Variants in SH3GL2 observed in about 807,000 individuals in gnomAD.
SH3GL2 encodes the protein SH3 domain containing GRB2 like 2, endophilin A1.
A neutral mutation model predicts 46.0 loss-of-function variants in SH3GL2; 24 were observed. That is an observed-to-expected ratio of 0.52 (90% CI 0.38 to 0.73). The LOEUF (loss-of-function observed/expected upper bound fraction) is 0.73, where lower values mean the gene tolerates loss of function less well. Among genes scored for constraint, SH3GL2 ranks in the 30% least tolerant of loss-of-function variants. SH3GL2 has a pLI of 0.00. For synonymous variants in SH3GL2, 196 were observed against 147.1 expected, an observed-to-expected ratio of 1.33 and a Z score of -2.40; for missense variants, 413 against 424.2, an observed-to-expected ratio of 0.97 and a Z score of 0.23.
At chr9:17,739,875 C>T (rs1822473276) in intron 1 of SH3GL2, among the ~76,000 whole-genome samples, 1 of 152,020 alleles carries the variant, frequency 6.6e-6, no homozygotes, top group African/African-American at 2.4e-5. Flanking sequence ...CTTTTAACCC[C>T]AGTGAACCAC....
chr9:17,690,839 G>T (rs1414419050), intron 1 of SH3GL2, among the ~76,000 whole-genome samples: 1 of 152,074 alleles, frequency 6.6e-6, no homozygotes, highest in Non-Finnish European at 1.5e-5. Context: ...CCTCTAGAAG[G>T]CCAGGGAATT....
chr9:17,594,270 T>G (rs752649733), intron 1 of SH3GL2, among the ~76,000 whole-genome samples: 1 of 152,214 alleles, frequency 6.6e-6, no homozygotes, highest in African/African-American at 2.4e-5. Context: ...CTTGCAATTA[T>G]GCCATACGTT....
chr9:17,728,545 T>C (rs1822084644), intron 1 of SH3GL2, among the ~76,000 whole-genome samples: 1 of 152,176 alleles, frequency 6.6e-6, no homozygotes, highest in Non-Finnish European at 1.5e-5. Flanking sequence ...GTTACATAGG[T>C]ATACATGTGC....
chr9:17,689,216 C>A lies in SH3GL2; in HGVS notation c.46-57850C>A, dbSNP rs148623415. On this transcript the variant is annotated intron_variant, in intron 1 of 8. Coordinates refer to ENST00000380607, the MANE Select transcript of SH3GL2 (RefSeq NM_003026.5). ...CAACAGAGGGTCATCCTATAATATA[C>A]CTGATCAGTACTCCTCAAAACTTTC... Among the ~76,000 whole-genome samples, 638 of 152,126 alleles carry A rather than the reference C, an allele frequency of 4.2e-3. 10 individuals are homozygous for A. Among genetic ancestry groups the A allele is most frequent in the East Asian group, 0.027 (140 of 5,142 alleles).
intron 1 of SH3GL2, among the ~76,000 whole-genome samples, chr9:17,723,591 C>T (rs942807909): frequency 1.4e-4 from 22 of 152,206 alleles, no homozygotes; most frequent in African/African-American, 5.3e-4. Context: ...TCTATTTAAC[C>T]TTTAATGGAA....
chr9:17,749,783 A>G (rs1822792765), intron 2 of SH3GL2, among the ~76,000 whole-genome samples: 2 of 152,226 alleles, frequency 1.3e-5, no homozygotes, highest in Admixed American at 1.3e-4. Flanking sequence ...GAAATAAAAG[A>G]GAATCCTCCA....
chr9:17,615,658 C>CAAAA (rs55926751), intron 1 of SH3GL2, among the ~76,000 whole-genome samples: 3 of 82,646 alleles, frequency 3.6e-5, no homozygotes, highest in East Asian at 3.5e-4. Context: ...GACTCCGTCT[C>CAAAA]AAAAAAAAAA....
intron 1 of SH3GL2, among the ~76,000 whole-genome samples, chr9:17,582,792 G>T (rs560489221): frequency 3.9e-4 from 60 of 152,322 alleles, no homozygotes; most frequent in Non-Finnish European, 7.6e-4. Context: ...TATGAGACAG[G>T]ATCTATTCGA....
At chr9:17,580,830 A>G (rs1220942341) in intron 1 of SH3GL2, among the ~76,000 whole-genome samples, 2 of 152,198 alleles carry the variant, frequency 1.3e-5, no homozygotes, top group African/African-American at 4.8e-5. Flanking sequence ...ATATCTCAGC[A>G]CTGCGTTTAC....
rs1056468241 is a variant in SH3GL2 at position 17,682,790 on chromosome 9, A to G, written c.46-64276A>G. ...AATTCTAAGAGGTAGCATTTTAACT[A>G]GCATCCTAAGCACTTCCTCACATGC... On this transcript the variant is annotated intron_variant, in intron 1 of 8. Transcript: ENST00000380607. Among the ~76,000 whole-genome samples the G allele has an allele frequency of 3.3e-5, 5 of 152,244 alleles. No individual in the cohort carries two copies. In the South Asian group the frequency reaches 6.2e-4, roughly 19 times the overall value.
chr9:17,599,419 A>G (rs1229928902), intron 1 of SH3GL2, among the ~76,000 whole-genome samples: 2 of 152,204 alleles, frequency 1.3e-5, no homozygotes, highest in Admixed American at 6.5e-5. Flanking sequence ...TACAGTGCCA[A>G]ATGGCACTGT....
chr9:17,786,798 T>C (rs967714404), intron 4 of SH3GL2, among the ~76,000 whole-genome samples: 1 of 152,122 alleles, frequency 6.6e-6, no homozygotes, highest in African/African-American at 2.4e-5. Context: ...TGGCACTTTC[T>C]ATTGGGTGTT....
Position 17,606,432 on chromosome 9 carries a change from C to G in SH3GL2, c.45+27145C>G, listed in dbSNP as rs75764460. On this transcript the variant is annotated intron_variant, in intron 1 of 8. Transcript: ENST00000380607. Reference sequence around the variant, plus strand: ...AAGGCCAATTAAACCAGAAGCTTCCCAAGTGTTACCAAGCTGCAGCCTGGC... The same window carrying G: ...AAGGCCAATTAAACCAGAAGCTTCCGAAGTGTTACCAAGCTGCAGCCTGGC... 4.2e-3 allele frequency among the ~76,000 whole-genome samples: 632 copies of G among 152,230 alleles called. 6 individuals are homozygous for G. The highest frequency in any genetic ancestry group is 0.015 in the African/African-American group (603 of 41,560).
At chr9:17,757,248 G>A (rs1228795511) in intron 2 of SH3GL2, among the ~76,000 whole-genome samples, 1 of 152,164 alleles carries the variant, frequency 6.6e-6, no homozygotes, top group Non-Finnish European at 1.5e-5. Context: ...CATGGGCAAG[G>A]CATTAGACTT....
At chr9:17,610,789 T>G (rs1423441222) in intron 1 of SH3GL2, among the ~76,000 whole-genome samples, 1 of 152,174 alleles carries the variant, frequency 6.6e-6, no homozygotes, top group Non-Finnish European at 1.5e-5. Flanking sequence ...ACCCAGAAAT[T>G]GAACTGTGAT....
intron 1 of SH3GL2, among the ~76,000 whole-genome samples, chr9:17,661,461 TGAA>T (rs1388781970): frequency 6.6e-6 from 1 of 152,110 alleles, no homozygotes; most frequent in East Asian, 1.9e-4. Flanking sequence ...AAAGTAAAGA[TGAA>T]GAAGGAAATA....
At chr9:17,610,330 C>G (rs959515998) in intron 1 of SH3GL2, among the ~76,000 whole-genome samples, 24 of 152,152 alleles carry the variant, frequency 1.6e-4, no homozygotes, top group Admixed American at 6.5e-5. Context: ...GTGTAGGGCT[C>G]AGATCCTCTT....
At chr9:17,641,969 C>G (rs4961582) in intron 1 of SH3GL2, among the ~76,000 whole-genome samples, 82,569 of 151,892 alleles carry the variant, frequency 0.54, 23,273 homozygotes, top group Non-Finnish European at 0.64. Flanking sequence ...AATGGGATTG[C>G]TGGGTCAAAT....
chr9:17,762,628 C>T (rs1272636285), intron 3 of SH3GL2, among the ~76,000 whole-genome samples: 2 of 152,058 alleles, frequency 1.3e-5, no homozygotes, highest in Non-Finnish European at 2.9e-5. Context: ...TAGAAATGAG[C>T]TTATGTGAGG....
Sources: allele counts gnomAD v4.1 joint callset (sites outside exome capture counted in the v4.1 genomes callset), GRCh38; gene constraint gnomAD v4.1.1; transcripts MANE v1.5; gene names NCBI Gene and HGNC (gene_info 2026-07-23, HGNC 2026-07-21).